The following BCL9 variants were observed in gnomAD, a reference collection of about 807,000 sequenced individuals.
The protein encoded by BCL9 is BCL9 transcription coactivator, also known as B-cell CLL/lymphoma 9 protein.
Under a neutral mutation model 88.5 loss-of-function variants are expected in BCL9, and 25 were observed. That is an observed-to-expected ratio of 0.28 (90% CI 0.21 to 0.39). The LOEUF (loss-of-function observed/expected upper bound fraction) is 0.39. BCL9 is among the 10% of genes least tolerant of loss of function. BCL9 has a pLI of 1.00. For missense variants in BCL9, 1,817 were observed against 1,877.8 expected (o/e 0.97, Z 0.60); for synonymous variants, 711 against 673.3 (o/e 1.06, Z -0.87).
intron 9 of BCL9, among the ~76,000 whole-genome samples, chr1:147,622,984 CT>C (rs1247750920): frequency 6.8e-6 from 1 of 146,998 alleles, no homozygotes; most frequent in Non-Finnish European, 1.5e-5. Flanking sequence ...TTTTTTAGGA[CT>C]AGGGAGATAA....
chr1:147,548,891 T>A (rs1245723124), intron 1 of BCL9, among the ~76,000 whole-genome samples: 1 of 151,822 alleles, frequency 6.6e-6, no homozygotes, highest in Non-Finnish European at 1.5e-5. Context: ...TCATAGGGTA[T>A]CCGTTTTCTC....
intron 1 of BCL9, among the ~76,000 whole-genome samples, chr1:147,592,970 C>T (rs1656909147): frequency 6.6e-6 from 1 of 152,156 alleles, no homozygotes; most frequent in Admixed American, 6.5e-5. Flanking sequence ...CAGGTGGTTT[C>T]CACCCTGAAG....
In BCL9 at chr1:147,623,971, T is replaced by C; in HGVS notation, c.3293T>C (p.Val1098Ala). Residue 1098 changes from valine (V) to alanine (A), a missense_variant, in exon 10 of 10, where the codon GTG (valine) becomes GCG (alanine). Physicochemically the swap from Val to Ala is moderately conservative, Grantham distance 64. Coordinates refer to ENST00000234739, the MANE Select transcript of BCL9 (RefSeq NM_004326.4). ...HSNQMPSPNAVGPNIPPHGVP... is the reference protein window; with the variant it reads ...HSNQMPSPNAAGPNIPPHGVP... ...AATCAGATGCCCTCTCCAAATGCCGTGGGACCCAACATACCTCCTCATGGG... is the reference window on the plus strand; with the variant it reads ...AATCAGATGCCCTCTCCAAATGCCGCGGGACCCAACATACCTCCTCATGGG... The C allele has an allele frequency of 6.2e-7, 1 of 1,614,160 alleles. No individual in the cohort carries two copies. The highest frequency in any genetic ancestry group is 8.5e-7 in the Non-Finnish European group (1 of 1,180,016).
At chr1:147,601,008 AAAC>A (rs1657361099) in intron 1 of BCL9, among the ~76,000 whole-genome samples, 1 of 152,122 alleles carries the variant, frequency 6.6e-6, no homozygotes, top group African/African-American at 2.4e-5. Context: ...ATCCTAAGTA[AAAC>A]AACAGCAGGG....
In BCL9 at chr1:147,611,870, C is replaced by G; in HGVS notation, c.34C>G (p.Pro12Ala). ...HSSNPKVRSS[P>A]SGNTQSSPKS... is the part of the protein sequence containing the mutation. ...CAGTAACCCTAAAGTGAGGAGCTCT[C>G]CATCAGGAAACACACAGAGGTAAGG... The change falls in exon 4 of 10, where the codon CCA becomes GCA. Residue 12 changes from proline (P) to alanine (A), a missense_variant. Coordinates refer to ENST00000234739, the MANE Select transcript of BCL9 (RefSeq NM_004326.4). 6.2e-7 allele frequency: 1 copy of G among 1,614,176 alleles called. No homozygotes were observed. The highest frequency in any genetic ancestry group is 8.5e-7 in the Non-Finnish European group (1 of 1,180,022).
intron 1 of BCL9, among the ~76,000 whole-genome samples, chr1:147,595,788 G>A (rs1657021204): frequency 6.6e-6 from 1 of 152,200 alleles, no homozygotes; most frequent in Admixed American, 6.5e-5. Context: ...AAGGTCAAGA[G>A]ATTTGGAGAT....
At chr1:147,548,803 A>G (rs587596052) in intron 1 of BCL9, among the ~76,000 whole-genome samples, 1 of 152,158 alleles carries the variant, frequency 6.6e-6, no homozygotes, top group Non-Finnish European at 1.5e-5. Flanking sequence ...GTCTCAAAAA[A>G]AAAGTATAAA....
At chr1:147,609,089 G>A (rs1024165610) in intron 3 of BCL9, among the ~76,000 whole-genome samples, 1 of 152,188 alleles carries the variant, frequency 6.6e-6, no homozygotes, top group African/African-American at 2.4e-5. Context: ...AATTTAAGAA[G>A]AGAAGAGAAA....
rs587730607 is a variant in BCL9, at chr1:147,616,890, A to G, written c.660+988A>G. ...TGCACCAAATGCTATGGGGGATACT[A>G]AGAAGTTCAAGACACAGTCCCTGCT... On this transcript the variant is annotated intron_variant, in intron 7 of 9. Transcript: ENST00000234739. Among the ~76,000 whole-genome samples, 8 of 152,340 alleles carry G rather than the reference A, an allele frequency of 5.3e-5. No individual in the cohort carries two copies. The South Asian group carries it at 1.7e-3, about 32-fold the overall frequency.
At chr1:147,601,935 C>G (rs1265891076) in intron 1 of BCL9, among the ~76,000 whole-genome samples, 1 of 152,216 alleles carries the variant, frequency 6.6e-6, no homozygotes, top group Non-Finnish European at 1.5e-5. Context: ...GAGTCTCGCT[C>G]TGTTGCCCAG....
At chr1:147,617,132 A>G (rs782727442) in intron 7 of BCL9, among the ~76,000 whole-genome samples, 6 of 152,232 alleles carry the variant, frequency 3.9e-5, no homozygotes, top group Non-Finnish European at 7.3e-5. Flanking sequence ...TGACTACTCA[A>G]GGGTAGAAGA....
rs1429620219 is a variant in BCL9 at position 147,620,814 on chromosome 1, C to G, written c.2659C>G (p.Gln887Glu). The G allele has an allele frequency of 6.2e-7, 1 of 1,614,050 alleles. No homozygotes were observed. The highest frequency in any genetic ancestry group is 1.3e-5 in the African/African-American group (1 of 74,922). The change falls in exon 8 of 10, where the codon CAG (glutamine) becomes GAG (glutamate). Residue 887 changes from glutamine to glutamate, a missense_variant. This residue lies in a region of BCL9 where 1,228 missense variants were observed against 1,191.6 expected (regional missense o/e 1.03). Coordinates refer to ENST00000234739, the MANE Select transcript of BCL9 (RefSeq NM_004326.4). ...GSPSGNLKSP[Q>E]TPSQLAGMLA... ...GCCCTCGGGGAACCTCAAGTCCCCC[C>G]AGACTCCATCGCAGCTGGCAGGCAT... is the stretch of plus-strand genomic sequence containing the variant.
intron 1 of BCL9, among the ~76,000 whole-genome samples, chr1:147,596,603 CG>C (rs1254240566): frequency 2.6e-5 from 4 of 151,334 alleles, no homozygotes; most frequent in African/African-American, 4.9e-5. Flanking sequence ...TTAGTAGAGA[CG>C]GGGTTTCACC....
chr1:147,571,673 G>C (rs1292985867), intron 1 of BCL9, among the ~76,000 whole-genome samples: 1 of 152,164 alleles, frequency 6.6e-6, no homozygotes, highest in Non-Finnish European at 1.5e-5. Flanking sequence ...ATCAGAGAGA[G>C]GAAATGGCCT....
intron 1 of BCL9, among the ~76,000 whole-genome samples, chr1:147,573,908 C>A (rs1655995531): frequency 6.6e-6 from 1 of 151,692 alleles, no homozygotes; most frequent in African/African-American, 2.4e-5. Context: ...AAAAGAGTAG[C>A]AAGACAGATA....
intron 1 of BCL9, among the ~76,000 whole-genome samples, chr1:147,574,320 G>A (rs903353959): frequency 1.3e-5 from 2 of 152,198 alleles, no homozygotes; most frequent in Non-Finnish European, 2.9e-5. Flanking sequence ...GTCATTTGTG[G>A]AAGAACGTAG....
chr1:147,620,766 G>C lies in BCL9; in HGVS notation c.2611G>C (p.Val871Leu), dbSNP rs782406376. The C allele has an allele frequency of 1.2e-6, 2 of 1,614,082 alleles. No individual in the cohort carries two copies. Among genetic ancestry groups the C allele is most frequent in the Non-Finnish European group, 1.7e-6 (2 of 1,180,034 alleles). The change falls in exon 8 of 10, where the codon GTC becomes CTC. Residue 871 changes from valine (V) to leucine (L), a missense_variant. Physicochemically the swap from Val to Leu is conservative, Grantham distance 32. Transcript: ENST00000234739. ...NPLKSPTMHQ[V>L]QSPMLGSPSG... ...TCTGAAGTCTCCCACGATGCACCAA[G>C]TCCAGTCACCAATGCTGGGCTCGCC...
chr1:147,568,597 G>A (rs1557829102), intron 1 of BCL9, among the ~76,000 whole-genome samples: 1 of 150,914 alleles, frequency 6.6e-6, no homozygotes, highest in Non-Finnish European at 1.5e-5. Flanking sequence ...TTTTTCAAAT[G>A]TAGAAAGGGG....
intron 1 of BCL9, among the ~76,000 whole-genome samples, chr1:147,604,160 T>G (rs1289187675): frequency 6.6e-6 from 1 of 152,154 alleles, no homozygotes; most frequent in Non-Finnish European, 1.5e-5. Flanking sequence ...CATTCGCCAT[T>G]GAAGGCCATG....
Sources: gnomAD v4.1 joint callset for allele counts (sites outside exome capture counted in the v4.1 genomes callset) on GRCh38, gnomAD v4.1.1 for gene constraint, gnomAD v4.1.1 regional missense constraint, MANE v1.5 for transcripts, NCBI Gene and HGNC (gene_info 2026-07-23, HGNC 2026-07-21) for gene names.